Variants in SCML4 observed in about 807,000 individuals in gnomAD.
SCML4 encodes the protein Scm polycomb group protein like 4.
A neutral mutation model predicts 41.1 loss-of-function variants in SCML4; 34 were observed. The observed-to-expected ratio is 0.83, with a 90% CI of 0.63 to 1.10. The LOEUF is 1.10. Among genes scored for constraint, SCML4 ranks in the 50% least tolerant of loss-of-function variants. The pLI, the probability that SCML4 is intolerant of heterozygous loss-of-function variation, is 0.00. For synonymous variants in SCML4, 214 were observed against 220.9 expected (o/e 0.97, Z 0.28); for missense variants, 522 against 534.1 (o/e 0.98, Z 0.22).
chr6:107,813,370 TTATATATATATATA>T (rs543060112), intron 1 of SCML4, among the ~76,000 whole-genome samples: 123 of 42,430 alleles, frequency 2.9e-3, no homozygotes, highest in African/African-American at 8.3e-3. Context: ...CTCAAAAAAA[TTATATATATATATA>T]TATATATATA....
At chr6:107,761,563 A>G (rs1354646579) in intron 2 of SCML4, among the ~76,000 whole-genome samples, 2 of 151,972 alleles carry the variant, frequency 1.3e-5, no homozygotes, top group Non-Finnish European at 1.5e-5. Context: ...CAGCCTCCCA[A>G]GTAGCTTGGA....
chr6:107,740,230 A>G (rs1583457490), intron 5 of SCML4: 2 of 462,182 alleles, frequency 4.3e-6, no homozygotes, highest in East Asian at 1.4e-4. Context: ...GACACCATAT[A>G]CCACAATAAA....
chr6:107,791,488 T>C (rs991888187), intron 1 of SCML4, among the ~76,000 whole-genome samples: 2 of 152,068 alleles, frequency 1.3e-5, no homozygotes, highest in African/African-American at 4.8e-5. Flanking sequence ...AGGGAAGTAC[T>C]GGAAGAGCAG....
At chr6:107,804,979 C>A (rs1783613747) in intron 1 of SCML4, among the ~76,000 whole-genome samples, 1 of 152,118 alleles carries the variant, frequency 6.6e-6, no homozygotes, top group Non-Finnish European at 1.5e-5. Context: ...CAAAACTAAA[C>A]AAATAAAGTG....
chr6:107,830,075 A>C, the SCML4 span, among the ~76,000 whole-genome samples: 65,152 of 151,970 alleles, frequency 0.43, 16,644 homozygotes, highest in East Asian at 0.73. Flanking sequence ...CAATACAAAA[A>C]TTAGGGACAT....
At chr6:107,791,617 T>C (rs1159982968) in intron 1 of SCML4, among the ~76,000 whole-genome samples, 1 of 152,200 alleles carries the variant, frequency 6.6e-6, no homozygotes, top group Non-Finnish European at 1.5e-5. Context: ...ATTACTGATA[T>C]TGGAACATTG....
In SCML4 at chr6:107,720,975, T is replaced by A; in HGVS notation, c.701A>T (p.Glu234Val). The A allele has an allele frequency of 6.2e-7, 1 of 1,611,256 alleles. No individual in the cohort carries two copies. Among genetic ancestry groups the A allele is most frequent in the Non-Finnish European group, 8.5e-7 (1 of 1,178,646 alleles). Reference sequence around the variant, plus strand: ...GCCCACAGGGTTCACCAGGTACTCTTCGGTGGTGACTGTCTTGACTAAGCA... The same window carrying A: ...GCCCACAGGGTTCACCAGGTACTCTACGGTGGTGACTGTCTTGACTAAGCA... Reference protein sequence around the residue: ...RMESVKTVTTEEYLVNPVGMN... With the variant: ...RMESVKTVTTVEYLVNPVGMN... Residue 234 changes from glutamate (E) to valine (V), a missense_variant, in exon 6 of 8, where the codon GAA (glutamate) becomes GTA (valine). Transcript: ENST00000369020.
chr6:107,785,493 C>A (rs9486691), intron 1 of SCML4, among the ~76,000 whole-genome samples: 3,021 of 152,310 alleles, frequency 0.02, 103 homozygotes, highest in African/African-American at 0.068. Flanking sequence ...CTAGTGACAG[C>A]CTCCTGGGTG....
intron 1 of SCML4, among the ~76,000 whole-genome samples, chr6:107,808,156 A>T (rs1488822691): frequency 6.6e-6 from 1 of 152,196 alleles, no homozygotes; most frequent in Admixed American, 6.5e-5. Context: ...CCCCAGAGTC[A>T]GAGGAAAGCC....
chr6:107,807,081 C>G (rs1006105628), intron 1 of SCML4, among the ~76,000 whole-genome samples: 2 of 131,562 alleles, frequency 1.5e-5, no homozygotes, highest in Admixed American at 7.8e-5. Context: ...TTTTTTTTGG[C>G]TTAATACCCA....
intron 1 of SCML4, among the ~76,000 whole-genome samples, chr6:107,791,625 T>C (rs1782337953): frequency 6.6e-6 from 1 of 152,206 alleles, no homozygotes; most frequent in East Asian, 1.9e-4. Flanking sequence ...TATTGGAACA[T>C]TGTCTCCCTA....
Position 107,749,668 on chromosome 6 carries a change from C to T in SCML4, c.286+16G>A, listed in dbSNP as rs1249801435. 1 of 1,613,422 alleles carries T rather than the reference C, an allele frequency of 6.2e-7. No homozygotes were observed. Among genetic ancestry groups the T allele is most frequent in the Non-Finnish European group, 8.5e-7 (1 of 1,179,858 alleles). ...TACAGACCATCACAGCCTTGGAGTT[C>T]ATTCTGCTGACCTACCTGTGAGAGC... On this transcript the variant is annotated intron_variant, in intron 3 of 7. Coordinates refer to ENST00000369020, the MANE Select transcript of SCML4 (RefSeq NM_198081.5).
At chr6:107,770,518 T>C (rs1454548898) in intron 2 of SCML4, among the ~76,000 whole-genome samples, 1 of 152,166 alleles carries the variant, frequency 6.6e-6, no homozygotes, top group Non-Finnish European at 1.5e-5. Context: ...ATATGGGAAG[T>C]AGATTCAAGG....
chr6:107,834,522 G>A, the SCML4 span, among the ~76,000 whole-genome samples: 1 of 152,206 alleles, frequency 6.6e-6, no homozygotes, highest in African/African-American at 2.4e-5. Flanking sequence ...CTGAAGTGGG[G>A]TTCAGATGGG....
intron 1 of SCML4, among the ~76,000 whole-genome samples, chr6:107,791,875 T>C (rs1039268571): frequency 1.3e-5 from 2 of 152,108 alleles, no homozygotes; most frequent in East Asian, 3.9e-4. Flanking sequence ...CAGGAGGATC[T>C]TTTGAGCCCC....
At chr6:107,772,526 A>G in intron 1 of SCML4, 140 bp from the exon 2 acceptor site, 1 of 539,360 alleles carries the variant, frequency 1.9e-6, no homozygotes, top group Non-Finnish European at 3.3e-6. Context: ...GGAGCTAGGT[A>G]CCACTAGATG....
chr6:107,780,855 C>T (rs764185341), intron 1 of SCML4, among the ~76,000 whole-genome samples: 4 of 151,816 alleles, frequency 2.6e-5, no homozygotes, highest in African/African-American at 4.8e-5. Flanking sequence ...AGAATATCAT[C>T]GGTGCTAAGA....
intron 1 of SCML4, among the ~76,000 whole-genome samples, chr6:107,805,112 A>T (rs1583635888): frequency 1.3e-5 from 2 of 152,316 alleles, no homozygotes; most frequent in South Asian, 4.1e-4. Flanking sequence ...ATAGGAAGCA[A>T]AAAGAGGGAT....
rs575819245 is a variant in SCML4, at chr6:107,720,493, G to T, written c.973+210C>A. ...GTCTACGTATCCTGTGGCCTAGCCT[G>T]CCCTAATACACGATTTTCTTTGCTT... On this transcript the variant is annotated intron_variant, in intron 6 of 7. Coordinates refer to ENST00000369020, the MANE Select transcript of SCML4 (RefSeq NM_198081.5). 3.0e-6 allele frequency: 4 copies of T among 1,342,768 alleles called. No homozygotes were observed. The East Asian group carries it at 1.1e-4, about 38-fold the overall frequency. 83.2% of individuals were successfully genotyped at this position (1,342,768 alleles called of 1,614,324 possible).
Sources: gnomAD v4.1 joint callset for allele counts (sites outside exome capture counted in the v4.1 genomes callset) on GRCh38, gnomAD v4.1.1 for gene constraint, MANE v1.5 for transcripts, NCBI Gene and HGNC (gene_info 2026-07-23, HGNC 2026-07-21) for gene names.